The following GCC2 variants were observed in gnomAD, a reference collection of about 807,000 sequenced individuals.
GCC2 encodes the protein GRIP and coiled-coil domain containing 2.
Under a neutral mutation model 210.6 loss-of-function variants are expected in GCC2, and 120 were observed. The ratio of observed to expected loss-of-function variants is 0.57; its 90% CI spans 0.49 to 0.66. GCC2 has a LOEUF of 0.66. GCC2 is among the 30% of genes least tolerant of loss of function. The pLI, the probability that GCC2 is intolerant of heterozygous loss-of-function variation, is 0.00. For synonymous variants in GCC2, 703 were observed against 652.7 expected (o/e 1.08, Z -1.17); for missense variants, 1,868 against 1,871.9 (o/e 1.00, Z 0.04).
chr2:108,460,893 A>C (rs1382056272), intron 4 of GCC2, among the ~76,000 whole-genome samples: 1 of 152,186 alleles, frequency 6.6e-6, no homozygotes, highest in African/African-American at 2.4e-5. Flanking sequence ...AAAAGTGTGT[A>C]GCATTTTCGC....
rs754596722 is a variant in GCC2 at position 108,501,734 on chromosome 2, T to C, written c.4984+1980T>C. 8.9e-4 allele frequency among the ~76,000 whole-genome samples: 135 copies of C among 152,324 alleles called. 1 individual carries two copies. The highest frequency in any genetic ancestry group is 2.7e-3 in the Admixed American group (41 of 15,304). ...CCCAAGACTCTGCATTTTTAGCAAT[T>C]TGTTGCTGATACTTCTGGTCTGGAG... On this transcript the variant is annotated intron_variant, in intron 22 of 22. Transcript: ENST00000309863.
chr2:108,482,516 TGAAGG>T, intron 11 of GCC2, 65 bp downstream of exon 11: 2 of 769,526 alleles, frequency 2.6e-6, no homozygotes, highest in Non-Finnish European at 2.2e-6. Context: ...ATTATTTAAA[TGAAGG>T]GAAGACTTAC....
intron 22 of GCC2, among the ~76,000 whole-genome samples, chr2:108,502,792 A>G (rs568794978): frequency 7.6e-4 from 115 of 152,076 alleles, no homozygotes; most frequent in Non-Finnish European, 1.3e-3. Context: ...GCGTGGTGGC[A>G]CATGCCTGTA....
In GCC2 at chr2:108,470,947, C is replaced by T; in HGVS notation, c.1618C>T (p.Leu540Phe). Residue 540 changes from leucine to phenylalanine, a missense_variant, in exon 6 of 23, where the codon CTC (leucine) becomes TTC (phenylalanine). Coordinates refer to ENST00000309863, the MANE Select transcript of GCC2 (RefSeq NM_181453.4). The stretch of plus-strand genomic sequence containing the variant: ...TGCCCTTCTCGAAACTGTGAATCGC[C>T]TCCAGGGAGAAAATGAAAAGTTACT... ...KDALLETVNR[L>F]QGENEKLLSQ... The T allele has an allele frequency of 5.0e-6, 8 of 1,613,172 alleles. No homozygotes were observed. The highest frequency in any genetic ancestry group is 6.8e-6 in the Non-Finnish European group (8 of 1,179,484).
chr2:108,506,395 T>C (rs1264305105), intron 22 of GCC2, among the ~76,000 whole-genome samples: 4 of 151,912 alleles, frequency 2.6e-5, no homozygotes, highest in African/African-American at 4.8e-5. Context: ...ATTCTACTTA[T>C]ATGACACTCT....
rs1313525353 is a variant in GCC2, at chr2:108,461,830, C to CTT, written c.217-7146_217-7145dup. On this transcript the variant is annotated intron_variant, in intron 4 of 22. Coordinates refer to ENST00000309863, the MANE Select transcript of GCC2 (RefSeq NM_181453.4). ...CTAAATAGGTTTTCTTTTTTTTTTT[C>CTT]TTTTTCTTTTTTTTTTTTTTTGAGA... 3.5e-4 allele frequency among the ~76,000 whole-genome samples: 43 copies of CTT among 124,122 alleles called. 2 individuals carry two copies. The highest frequency in any genetic ancestry group is 1.0e-3 in the South Asian group (4 of 3,840). 81.4% of individuals were successfully genotyped at this position (124,122 alleles called of 152,430 possible).
At chr2:108,451,515 T>C (rs1169334005) in intron 3 of GCC2, among the ~76,000 whole-genome samples, 1 of 152,202 alleles carries the variant, frequency 6.6e-6, no homozygotes, top group Non-Finnish European at 1.5e-5. Flanking sequence ...AAGACTTCCA[T>C]TTACAGATAT....
chr2:108,487,932 CTT>C lies in GCC2; in HGVS notation c.4052+114_4052+115del, dbSNP rs1327892860. On this transcript the variant is annotated intron_variant, in intron 17 of 22. Transcript: ENST00000309863. ...TTTTTTTTTTTTTTTTTGAGACAGA[CTT>C]TCGCTCTTGTTGCCCAGGCTGGAGT... The C allele has an allele frequency of 7.7e-6, 8 of 1,038,636 alleles. 1 individual carries two copies. In the African/African-American group the frequency reaches 1.3e-4, roughly 17 times the overall value. 64.3% of individuals were successfully genotyped at this position (1,038,636 alleles called of 1,614,324 possible). A position where few individuals can be genotyped will look rare whatever the true frequency, so the allele number is the denominator to read the frequency against.
chr2:108,500,575 A>G (rs1378676865), intron 22 of GCC2, among the ~76,000 whole-genome samples: 1 of 152,228 alleles, frequency 6.6e-6, no homozygotes, highest in Non-Finnish European at 1.5e-5. Context: ...TGTCAGATGG[A>G]TTTAATACTG....
chr2:108,453,428 C>T (rs1397740102), intron 4 of GCC2, among the ~76,000 whole-genome samples: 1 of 152,180 alleles, frequency 6.6e-6, no homozygotes, highest in Non-Finnish European at 1.5e-5. Context: ...GGTTCTCTTT[C>T]TCTTTTTAGT....
Position 108,484,314 on chromosome 2 carries a change from G to A in GCC2, c.3613+3G>A, listed in dbSNP as rs192393191. The stretch of plus-strand genomic sequence containing the variant: ...AGAAACCCTACAAGAAGAAATAAGT[G>A]AGTTAAAGAAAATTCACTTTACTTT... On this transcript the variant is annotated splice_donor_region_variant and intron_variant, in intron 13 of 22. Transcript: ENST00000309863. 2,405 of 1,446,910 alleles carry A rather than the reference G, an allele frequency of 1.7e-3. 2 individuals carry two copies. Among genetic ancestry groups the A allele is most frequent in the Non-Finnish European group, 2.0e-3 (2,122 of 1,068,264 alleles). The allele number at this position is 1,446,910 out of a possible 1,614,324, so 89.6% of individuals were successfully genotyped here.
intron 4 of GCC2, among the ~76,000 whole-genome samples, chr2:108,468,136 G>A (rs1416682658): frequency 2.7e-5 from 4 of 150,700 alleles, no homozygotes; most frequent in Admixed American, 6.6e-5. Flanking sequence ...ATCTTGGCTC[G>A]CTGCAACCCC....
At chr2:108,506,385 A>T (rs1053898591) in intron 22 of GCC2, among the ~76,000 whole-genome samples, 3 of 152,142 alleles carry the variant, frequency 2.0e-5, no homozygotes, top group African/African-American at 7.2e-5. Context: ...GTACAGTGTG[A>T]TTCTACTTAT....
Position 108,492,659 on chromosome 2 carries a change from T to A in GCC2, c.4316T>A (p.Leu1439His). 4 of 1,613,814 alleles carry A rather than the reference T, an allele frequency of 2.5e-6. No homozygotes were observed. The highest frequency in any genetic ancestry group is 3.4e-6 in the Non-Finnish European group (4 of 1,179,702). The change falls in exon 19 of 23, where the codon CTT becomes CAT. Residue 1439 changes from leucine (L) to histidine (H), a missense_variant. Around this residue, in one of 3 missense-constraint regions of GCC2, gnomAD observed 1,847 missense variants for 1,765.2 expected, o/e 1.05. Transcript: ENST00000309863. ...VSQLTSQNEVLRNSFRDQVRH... is the reference protein window; with the variant it reads ...VSQLTSQNEVHRNSFRDQVRH... ...CAGCTAACATCCCAGAACGAGGTCC[T>A]TCGAAATAGCTTCCGAGATCAAGTG...
Position 108,471,487 on chromosome 2 carries a change from C to T in GCC2, c.2158C>T (p.Leu720Phe), listed in dbSNP as rs777785198. The change falls in exon 6 of 23, where the codon CTT becomes TTT. Residue 720 changes from leucine to phenylalanine, a missense_variant. By Grantham distance (22) the Leu-to-Phe change is conservative. This residue lies in a region of GCC2 where 1,847 missense variants were observed against 1,765.2 expected (regional missense o/e 1.05). Coordinates refer to ENST00000309863, the MANE Select transcript of GCC2 (RefSeq NM_181453.4). ...VFLSQKEDVI[L>F]KEHITQLEKK... Reference sequence around the variant, plus strand: ...TTTGTCTCAAAAAGAAGATGTTATCCTTAAAGAACATATTACTCAATTAGA... The same window carrying T: ...TTTGTCTCAAAAAGAAGATGTTATCTTTAAAGAACATATTACTCAATTAGA... The T allele has an allele frequency of 1.2e-6, 2 of 1,609,436 alleles. No homozygotes were observed. Among genetic ancestry groups the T allele is most frequent in the Non-Finnish European group, 1.7e-6 (2 of 1,178,516 alleles).
Position 108,471,963 on chromosome 2 carries a change from T to C in GCC2, c.2634T>C (p.Leu878=), listed in dbSNP as rs1376001079. 34 of 1,604,408 alleles carry C rather than the reference T, an allele frequency of 2.1e-5. No homozygotes were observed. Among genetic ancestry groups the C allele is most frequent in the Middle Eastern group, 1.7e-4 (1 of 5,996 alleles). The change falls in exon 6 of 23, where the codon CTT becomes CTC. Residue 878 remains leucine (L), a synonymous_variant. Transcript: ENST00000309863. ...AAACAAGGCTTGAAAATCAGAATCT[T>C]TTAATTCAAGTTGAAGAAGTATCTC... ...NEKTRLENQN[L]LIQVEEVSQT...
chr2:108,496,898 A>G, intron 20 of GCC2, 72 bp from the exon 21 acceptor site: 1 of 1,596,810 alleles, frequency 6.3e-7, no homozygotes, highest in Non-Finnish European at 8.5e-7. Context: ...TTATATTTAG[A>G]TTTTTCTTAT....
At chr2:108,450,999 C>T (rs1470091400) in intron 2 of GCC2, 29 bp from the exon 3 acceptor site, 2 of 1,463,694 alleles carry the variant, frequency 1.4e-6, no homozygotes, top group Non-Finnish European at 1.9e-6. Flanking sequence ...TGAGTTATAA[C>T]AAGTTGGTAA....
At chr2:108,461,830 C>CTTTTTTTTTTT (rs1313525353) in intron 4 of GCC2, among the ~76,000 whole-genome samples, 8 of 124,076 alleles carry the variant, frequency 6.4e-5, no homozygotes, top group African/African-American at 1.3e-4. Flanking sequence ...TTTTTTTTTT[C>CTTTTTTTTTTT]TTTTTCTTTT....
Sources: allele counts gnomAD v4.1 joint callset (sites outside exome capture counted in the v4.1 genomes callset), GRCh38; gene constraint gnomAD v4.1.1; regional missense constraint gnomAD v4.1.1; transcripts MANE v1.5; gene names NCBI Gene and HGNC (gene_info 2026-07-23, HGNC 2026-07-21).